Variants in MAD1L1 observed in about 807,000 individuals in gnomAD.
MAD1L1 encodes mitotic spindle assembly checkpoint protein MAD1.
In MAD1L1, 95 loss-of-function variants were observed where a neutral mutation model predicts 96.9. The ratio of observed to expected loss-of-function variants is 0.98; its 90% CI spans 0.83 to 1.16. The LOEUF (loss-of-function observed/expected upper bound fraction) is 1.16. Among genes scored for constraint, MAD1L1 ranks in the 50% most tolerant of loss-of-function variants. The pLI is 0.00. For missense variants in MAD1L1, 1,007 were observed against 954.4 expected, an observed-to-expected ratio of 1.06 and a Z score of -0.73; for synonymous variants, 473 against 396.6, an observed-to-expected ratio of 1.19 and a Z score of -2.29.
chr7:1,936,390 C>CAT (rs1250938048), intron 17 of MAD1L1, among the ~76,000 whole-genome samples: 1 of 152,224 alleles, frequency 6.6e-6, no homozygotes, highest in Non-Finnish European at 1.5e-5. Context: ...TAATGGGGTA[C>CAT]ATATAAACTG....
At chr7:2,073,093 GC>G (rs1462680626) in intron 11 of MAD1L1, among the ~76,000 whole-genome samples, 4 of 152,122 alleles carry the variant, frequency 2.6e-5, no homozygotes, top group African/African-American at 9.7e-5. Flanking sequence ...CCCACTCTCT[GC>G]AGCCTAGGCC....
intron 17 of MAD1L1, among the ~76,000 whole-genome samples, chr7:1,921,498 T>C (rs185283088): frequency 1.5e-3 from 229 of 152,218 alleles, no homozygotes; most frequent in Non-Finnish European, 2.8e-3. Context: ...GCGTTTTGTG[T>C]TTTTAGTAGA....
At chr7:1,833,354 T>C (rs1782798241) in intron 18 of MAD1L1, among the ~76,000 whole-genome samples, 1 of 152,206 alleles carries the variant, frequency 6.6e-6, no homozygotes, top group African/African-American at 2.4e-5. Flanking sequence ...ATAAAGGTCA[T>C]TTCATAATGA....
chr7:2,026,893 A>T (rs1783018518), intron 12 of MAD1L1, among the ~76,000 whole-genome samples: 1 of 152,230 alleles, frequency 6.6e-6, no homozygotes, highest in East Asian at 1.9e-4. Flanking sequence ...AGACTCAAAG[A>T]AAGTAACAAA....
At chr7:1,866,942 T>C (rs1034512890) in intron 18 of MAD1L1, among the ~76,000 whole-genome samples, 2 of 152,118 alleles carry the variant, frequency 1.3e-5, no homozygotes, top group African/African-American at 2.4e-5. Flanking sequence ...GCGGTCCTCC[T>C]GCAGTAGGGA....
At chr7:2,204,090 C>T (rs1405845627) in intron 10 of MAD1L1, among the ~76,000 whole-genome samples, 1 of 152,254 alleles carries the variant, frequency 6.6e-6, no homozygotes, top group East Asian at 1.9e-4. Flanking sequence ...GCAGCCTGCA[C>T]TGACCCCACA....
intron 18 of MAD1L1, among the ~76,000 whole-genome samples, chr7:1,832,016 G>A (rs1210848884): frequency 1.3e-5 from 2 of 152,210 alleles, no homozygotes; most frequent in African/African-American, 4.8e-5. Context: ...TGACTTTCAA[G>A]TGTTATTATT....
At chr7:2,051,043 G>A (rs1784144249) in intron 12 of MAD1L1, among the ~76,000 whole-genome samples, 1 of 152,232 alleles carries the variant, frequency 6.6e-6, no homozygotes. Flanking sequence ...CTTCGAAACT[G>A]AGTTTAAAGA....
chr7:1,847,518 G>C (rs201704627), intron 18 of MAD1L1: 82 of 471,030 alleles, frequency 1.7e-4, no homozygotes, highest in Non-Finnish European at 2.6e-5. Context: ...CAGCTGGAAG[G>C]TTCCATGGGA....
In MAD1L1 at chr7:1,873,162, T is replaced by A. The variant is rs1004180653; in HGVS notation, c.1998+25038A>T. 1.2e-4 allele frequency among the ~76,000 whole-genome samples: 19 copies of A among 152,306 alleles called. No individual in the cohort carries two copies. In the East Asian group the frequency reaches 3.7e-3, roughly 29 times the overall value. The stretch of plus-strand genomic sequence containing the variant: ...CAATTCTGGTGCAGCCTCTCCTGCC[T>A]CAGTGTCCCTTTTCATAAGGGGGGC... On this transcript the variant is annotated intron_variant, in intron 18 of 18. Coordinates refer to ENST00000265854, the MANE Select transcript of MAD1L1 (RefSeq NM_001013836.2).
intron 18 of MAD1L1, among the ~76,000 whole-genome samples, chr7:1,843,296 G>C (rs1374484290): frequency 6.6e-6 from 1 of 152,146 alleles, no homozygotes; most frequent in African/African-American, 2.4e-5. Flanking sequence ...TCAACTAAAC[G>C]GTAACACTCT....
chr7:1,845,062 G>T (rs889360978), intron 18 of MAD1L1, among the ~76,000 whole-genome samples: 8 of 152,252 alleles, frequency 5.3e-5, no homozygotes, highest in African/African-American at 1.7e-4. Flanking sequence ...CACCTGGCGG[G>T]CGCGGGAGGC....
At chr7:1,884,097 G>A (rs1785857819) in intron 18 of MAD1L1, among the ~76,000 whole-genome samples, 1 of 152,212 alleles carries the variant, frequency 6.6e-6, no homozygotes, top group Non-Finnish European at 1.5e-5. Flanking sequence ...CCAACAGGAG[G>A]CAGCACTGGG....
chr7:2,194,115 T>TG (rs531639338), intron 10 of MAD1L1, among the ~76,000 whole-genome samples: 103 of 151,838 alleles, frequency 6.8e-4, no homozygotes, highest in African/African-American at 2.3e-3. Flanking sequence ...GGCTAATTTT[T>TG]TTGTGTGTGT....
intron 18 of MAD1L1, among the ~76,000 whole-genome samples, chr7:1,889,025 GCGCAATGT>G: frequency 6.6e-6 from 1 of 152,210 alleles, no homozygotes; most frequent in Non-Finnish European, 1.5e-5. Flanking sequence ...GATCCACTCA[GCGCAATGT>G]GGCAGGCATA....
chr7:2,179,700 T>C (rs1412649750), intron 10 of MAD1L1, among the ~76,000 whole-genome samples: 1 of 152,076 alleles, frequency 6.6e-6, no homozygotes, highest in African/African-American at 2.4e-5. Flanking sequence ...CCGAGCATGG[T>C]GGCTCACGCC....
At chr7:1,880,185 T>C (rs1041944043) in intron 18 of MAD1L1, among the ~76,000 whole-genome samples, 2 of 152,188 alleles carry the variant, frequency 1.3e-5, no homozygotes, top group African/African-American at 4.8e-5. Flanking sequence ...CCTCACAGTG[T>C]TCCTAATCAG....
chr7:1,868,609 C>T (rs191635342), intron 18 of MAD1L1, among the ~76,000 whole-genome samples: 146 of 152,282 alleles, frequency 9.6e-4, no homozygotes, highest in African/African-American at 3.0e-3. Flanking sequence ...TGGATTTCTC[C>T]AGCGCGTCAT....
rs187903563 is a variant in MAD1L1 at position 2,046,939 on chromosome 7, C to A, written c.1218+22255G>T. On this transcript the variant is annotated intron_variant, in intron 12 of 18. Transcript: ENST00000265854. ...ACCACACGCTGCGCACACAACACCC[C>A]CTGGGCTGAGCGCACCCACTCACAG... 3.8e-3 allele frequency among the ~76,000 whole-genome samples: 583 copies of A among 152,350 alleles called. 5 individuals carry two copies. The highest frequency in any genetic ancestry group is 0.013 in the African/African-American group (554 of 41,572).
Sources: gnomAD v4.1 joint callset for allele counts (sites outside exome capture counted in the v4.1 genomes callset) on GRCh38, gnomAD v4.1.1 for gene constraint, MANE v1.5 for transcripts, NCBI Gene and HGNC (gene_info 2026-07-23, HGNC 2026-07-21) for gene names.